Variants in SMPX observed in about 807,000 individuals in gnomAD.
The protein encoded by SMPX is small muscular protein.
In SMPX, 2 loss-of-function variants were observed where a neutral mutation model predicts 6.3. The ratio of observed to expected loss-of-function variants is 0.32; its 90% CI spans 0.13 to 0.99. The LOEUF (loss-of-function observed/expected upper bound fraction) is 0.99, where lower values mean the gene tolerates loss of function less well. SMPX is among the 50% of genes least tolerant of loss of function. The probability of loss-of-function intolerance (pLI) is 0.49; values close to 1 mark genes in which losing one functional copy is unlikely to be tolerated. For synonymous variants in SMPX, 32 were observed against 24.7 expected (o/e 1.30, Z -0.88); for missense variants, 60 against 66.8 (o/e 0.90, Z 0.36).
At position 21,743,786 on chromosome X, in the gene SMPX, G is replaced by A; in HGVS notation, c.96C>T (p.Pro32=). Residue 32 remains proline, a synonymous_variant, in exon 3 of 5, where the codon CCC becomes CCT. Coordinates refer to ENST00000379494, the MANE Select transcript of SMPX (RefSeq NM_014332.3). ...MGAFRPGAGQ[P]PRRKECTPEV... is the part of the protein sequence containing the mutation. ...CAGGAGTACATTCTTTTCTTCTGGG[G>A]GGTTGACCTGCTCCTGGCCGAAAGG... The A allele has an allele frequency of 8.3e-7, 1 of 1,209,449 alleles. No individual in the cohort carries two copies. The highest frequency in any genetic ancestry group is 1.8e-5 in the South Asian group (1 of 56,902).
intron 3 of SMPX, 150 bp from the exon 4 acceptor site, chrX:21,737,847 C>G (rs907160667): frequency 7.5e-6 from 4 of 535,825 alleles, no homozygotes; most frequent in African/African-American, 4.7e-5. Flanking sequence ...GTTGAGACAG[C>G]CTTAGAGTTT....
intron 4 of SMPX, among the ~76,000 whole-genome samples, chrX:21,724,872 G>A (rs2092795266): frequency 8.9e-6 from 1 of 112,346 alleles, no homozygotes; most frequent in African/African-American, 3.2e-5. Flanking sequence ...TCGAAAGAGA[G>A]AATGGACATG....
chrX:21,742,992 T>C (rs1020784017), intron 3 of SMPX, among the ~76,000 whole-genome samples: 1 of 112,365 alleles, frequency 8.9e-6, no homozygotes, highest in Non-Finnish European at 1.9e-5. Context: ...CTTCCAGGTT[T>C]CAGCAGAAAA....
chrX:21,733,866 G>T (rs2092807700), intron 4 of SMPX: 1 of 264,528 alleles, frequency 3.8e-6, no homozygotes, highest in Non-Finnish European at 7.0e-6. Context: ...CACTAGACTG[G>T]TCTAATTATT....
At chrX:21,741,889 A>G (rs1238798356) in intron 3 of SMPX, among the ~76,000 whole-genome samples, 1 of 112,444 alleles carries the variant, frequency 8.9e-6, no homozygotes, top group Non-Finnish European at 1.9e-5. Flanking sequence ...ATACGTGGCT[A>G]ATTATAAAGT....
At chrX:21,707,228 A>G (rs2092773957) in intron 4 of SMPX, among the ~76,000 whole-genome samples, 1 of 110,091 alleles carries the variant, frequency 9.1e-6, no homozygotes, top group Non-Finnish European at 1.9e-5. Context: ...GACTTAGCAT[A>G]ATGTCCTCCA....
chrX:21,719,509 T>C (rs750019764), intron 4 of SMPX, among the ~76,000 whole-genome samples: 1 of 100,555 alleles, frequency 9.9e-6, no homozygotes, highest in African/African-American at 3.9e-5. Context: ...TAGAGTGAGA[T>C]TCCATCAAAA....
chrX:21,724,037 G>A (rs1032677230), intron 4 of SMPX, among the ~76,000 whole-genome samples: 9 of 112,230 alleles, frequency 8.0e-5, no homozygotes, highest in Non-Finnish European at 1.5e-4. Flanking sequence ...TCCTGGCAGC[G>A]AAAGCAGGTC....
chrX:21,751,667 C>T lies in SMPX; in HGVS notation c.45+2579G>A, dbSNP rs377405833. 2.7e-4 allele frequency among the ~76,000 whole-genome samples: 30 copies of T among 111,893 alleles called. No homozygotes were observed. The East Asian group carries it at 5.6e-3, about 21-fold the overall frequency. On this transcript the variant is annotated intron_variant, in intron 2 of 4. Transcript: ENST00000379494. ...AATTCATCTTTGTATATACCCTACA[C>T]TTAGCACAGTGCCTGGCACATATTA...
At chrX:21,707,961 ATTGAATT>A (rs2092774703) in intron 4 of SMPX, among the ~76,000 whole-genome samples, 1 of 112,568 alleles carries the variant, frequency 8.9e-6, no homozygotes, top group Non-Finnish European at 1.9e-5. Context: ...TGTTTTAAAC[ATTGAATT>A]TGGGGTGTGA....
chrX:21,712,185 G>C (rs2092779519), intron 4 of SMPX, among the ~76,000 whole-genome samples: 1 of 112,111 alleles, frequency 8.9e-6, no homozygotes, highest in Non-Finnish European at 1.9e-5. Context: ...GTAAAAATTA[G>C]GAACATTTTT....
chrX:21,715,307 C>CGT (rs1569303780), intron 4 of SMPX, among the ~76,000 whole-genome samples: 1 of 95,783 alleles, frequency 1.0e-5, no homozygotes, highest in African/African-American at 4.8e-5. Flanking sequence ...TGTGTGTGCG[C>CGT]GCACGCGCGC....
rs551474974 is a variant in SMPX at position 21,754,889 on chromosome X, C to G, written c.-12-587G>C. On this transcript the variant is annotated intron_variant, in intron 1 of 4. Coordinates refer to ENST00000379494, the MANE Select transcript of SMPX (RefSeq NM_014332.3). ...AGGTCCCATCTCCTGCTCTGTGTGC[C>G]CCTACCCAATGCTTTTGATAAGTTG... is the stretch of plus-strand genomic sequence containing the variant. Among the ~76,000 whole-genome samples, 4 of 112,318 alleles carry G rather than the reference C, an allele frequency of 3.6e-5. No individual in the cohort carries two copies. In the South Asian group the frequency reaches 1.5e-3, roughly 42 times the overall value.
intron 3 of SMPX, among the ~76,000 whole-genome samples, chrX:21,742,253 C>T (rs1602109128): frequency 8.9e-6 from 1 of 111,986 alleles, no homozygotes; most frequent in African/African-American, 3.3e-5. Flanking sequence ...ATTCCACCGC[C>T]GTCCCTTTTA....
chrX:21,748,268 A>G (rs1212536458), intron 2 of SMPX, among the ~76,000 whole-genome samples: 3 of 112,141 alleles, frequency 2.7e-5, no homozygotes, highest in Non-Finnish European at 5.6e-5. Flanking sequence ...ACACAACACA[A>G]TTTTGAGAAA....
Position 21,743,670 on chromosome X carries a change from T to A in SMPX, c.132+80A>T. 3.6e-6 allele frequency: 3 copies of A among 838,612 alleles called. No homozygotes were observed. The South Asian group carries it at 6.1e-5, about 17-fold the overall frequency. The allele number at this position is 838,612 out of a possible 1,213,427, so 69.1% of individuals were successfully genotyped here. A position where few individuals can be genotyped will look rare whatever the true frequency, so the allele number is the denominator to read the frequency against. ...CTCCCTTGTCCTGGATAGCCAGCCC[T>A]TGCCTAGCCTCTGCCCCCTCTGGTG... On this transcript the variant is annotated intron_variant, in intron 3 of 4. Transcript: ENST00000379494.
At chrX:21,745,731 C>T (rs2092820789) in intron 2 of SMPX, among the ~76,000 whole-genome samples, 1 of 111,592 alleles carries the variant, frequency 9.0e-6, no homozygotes, top group Non-Finnish European at 1.9e-5. Flanking sequence ...TGTCCCTACC[C>T]CAACCCATTT....
intron 4 of SMPX, among the ~76,000 whole-genome samples, chrX:21,720,584 G>A (rs1219921003): frequency 2.7e-5 from 3 of 112,875 alleles, no homozygotes; most frequent in Non-Finnish European, 5.6e-5. Flanking sequence ...TGTATTTTAT[G>A]TATCAAGGAA....
chrX:21,733,580 C>T, intron 4 of SMPX: 1 of 251,260 alleles, frequency 4.0e-6, no homozygotes, highest in Admixed American at 5.2e-5. Context: ...TTTAGAGCTT[C>T]ATCAGTTCCA....
Sources: gnomAD v4.1 joint callset for allele counts (sites outside exome capture counted in the v4.1 genomes callset) on GRCh38, gnomAD v4.1.1 for gene constraint, MANE v1.5 for transcripts, NCBI Gene and HGNC (gene_info 2026-07-23, HGNC 2026-07-21) for gene names.